The following TOP1 variants were observed in gnomAD, a reference collection of about 807,000 sequenced individuals.
TOP1 encodes DNA topoisomerase 1.
A neutral mutation model predicts 111.1 loss-of-function variants in TOP1; 10 were observed. The ratio of observed to expected loss-of-function variants is 0.09; its 90% CI spans 0.06 to 0.15. The LOEUF (loss-of-function observed/expected upper bound fraction) is 0.15. Among genes scored for constraint, TOP1 ranks in the 10% least tolerant of loss-of-function variants. TOP1 has a pLI of 1.00. For synonymous variants in TOP1, 271 were observed against 302.9 expected (o/e 0.89, Z 1.10); for missense variants, 474 against 926.7 (o/e 0.51, Z 6.34).
At chr20:41,117,662 G>A (rs1354881531) in intron 17 of TOP1, among the ~76,000 whole-genome samples, 1 of 152,052 alleles carries the variant, frequency 6.6e-6, no homozygotes, top group African/African-American at 2.4e-5. Flanking sequence ...TGGGATTACA[G>A]GTGTGAGCCA....
At chr20:41,077,127 C>T (rs909672178) in intron 4 of TOP1, among the ~76,000 whole-genome samples, 5 of 152,068 alleles carry the variant, frequency 3.3e-5, no homozygotes, top group African/African-American at 9.7e-5. Flanking sequence ...ACTGTGTTGG[C>T]GGGGCTAGTC....
rs1169618586 is a variant in TOP1 at position 41,123,005 on chromosome 20, A to ACAGATGTAGGTG, written c.2196-189_2196-188insAGATGTAGGTGC. 2.0e-5 allele frequency among the ~76,000 whole-genome samples: 3 copies of ACAGATGTAGGTG among 152,224 alleles called. No homozygotes were observed. Among genetic ancestry groups the ACAGATGTAGGTG allele is most frequent in the Non-Finnish European group, 2.9e-5 (2 of 68,042 alleles). ...CACTTGTACATCTGCAGAAGCACCT[A>ACAGATGTAGGTG]CTTTAGAGATCACTGCCAAGATTAA... On this transcript the variant is annotated intron_variant, in intron 20 of 20. Transcript: ENST00000361337. This position sits in a 1 kb window ranked among gnomAD's most constrained non-coding sequence, Gnocchi z 5.8.
rs568226474 is a variant in TOP1 at position 41,110,876 on chromosome 20, T to C, written c.1309-1906T>C. On this transcript the variant is annotated intron_variant, in intron 13 of 20. Transcript: ENST00000361337. The surrounding 1 kb of genome is among the most constrained non-coding windows in gnomAD (Gnocchi z 4.2). ...AACACTGCAGGGACAAGCATACTTC[T>C]TGGAGGCCAGCCATCTCCTGCTGGA... Among the ~76,000 whole-genome samples the C allele has an allele frequency of 1.3e-5, 2 of 152,324 alleles. No homozygotes were observed. Among genetic ancestry groups the C allele is most frequent in the East Asian group, 1.9e-4 (1 of 5,186 alleles).
At chr20:41,084,157 C>G (rs1444778292) in intron 7 of TOP1, among the ~76,000 whole-genome samples, 1 of 151,874 alleles carries the variant, frequency 6.6e-6, no homozygotes, top group African/African-American at 2.4e-5. Flanking sequence ...GGATTACTCT[C>G]TAGAGCAGTA....
chr20:41,099,423 G>T (rs962339194), intron 11 of TOP1, among the ~76,000 whole-genome samples: 4 of 152,164 alleles, frequency 2.6e-5, no homozygotes, highest in Admixed American at 2.0e-4. Context: ...AAGGACACCT[G>T]CTGCCAGCAA....
At chr20:41,057,207 A>C (rs1438373996) in intron 2 of TOP1, among the ~76,000 whole-genome samples, 1 of 151,228 alleles carries the variant, frequency 6.6e-6, no homozygotes, top group Non-Finnish European at 1.5e-5. Context: ...CTGAGGTTGC[A>C]GTGAGCCGAG....
In TOP1 at chr20:41,098,419, CAACATT is replaced by C; in HGVS notation, c.975+88_975+93del. 7.2e-7 allele frequency: 1 copy of C among 1,387,318 alleles called. No individual in the cohort carries two copies. The highest frequency in any genetic ancestry group is 2.0e-5 in the Admixed American group (1 of 49,050). 85.9% of individuals were successfully genotyped at this position (1,387,318 alleles called of 1,614,324 possible). The stretch of plus-strand genomic sequence containing the variant: ...AACTTTCTTCTTGGTTCTTATGACA[CAACATT>C]AACATCAGTAATTTCACATCATTCT... On this transcript the variant is annotated intron_variant, in intron 11 of 20. Coordinates refer to ENST00000361337, the MANE Select transcript of TOP1 (RefSeq NM_003286.4). This position sits in a 1 kb window ranked among gnomAD's most constrained non-coding sequence, Gnocchi z 5.7.
At position 41,028,832 on chromosome 20, in the gene TOP1, C is replaced by CT. The variant is rs1190856191; in HGVS notation, c.-234dup. The CT allele has an allele frequency of 1.7e-4, 87 of 524,298 alleles. No homozygotes were observed. In the South Asian group the frequency reaches 2.0e-3, roughly 12 times the overall value. 32.5% of individuals were successfully genotyped at this position (524,298 alleles called of 1,614,324 possible). On this transcript the variant is annotated 5_prime_UTR_variant, in exon 1 of 21. It removes the in-frame stop codon of an upstream open reading frame in the 5' UTR. Transcript: ENST00000361337. ...CAGGCGCAGTGAGCCCAAATGCGAA[C>CT]TTAGGCTGTTACACAACTGCTGGGG...
chr20:41,045,205 G>T (rs991036893), intron 2 of TOP1, among the ~76,000 whole-genome samples: 3 of 151,906 alleles, frequency 2.0e-5, no homozygotes, highest in Non-Finnish European at 2.9e-5. Flanking sequence ...TACCATATTG[G>T]ACAGCTCTAG....
chr20:41,118,492 G>T lies in TOP1; in HGVS notation c.1950+196G>T, dbSNP rs775964672. ...GAATATCAGAGTATCCATTATTCAA[G>T]AAATCTTTATTCTACGCATAGAAGT... On this transcript the variant is annotated intron_variant, in intron 18 of 20. Transcript: ENST00000361337. This position sits in a 1 kb window ranked among gnomAD's most constrained non-coding sequence, Gnocchi z 4.6. 3.3e-5 allele frequency among the ~76,000 whole-genome samples: 5 copies of T among 152,178 alleles called. No homozygotes were observed. The highest frequency in any genetic ancestry group is 2.0e-4 in the Admixed American group (3 of 15,280).
In TOP1 at chr20:41,080,068, A is replaced by T; in HGVS notation, c.336-17A>T. 2 of 1,536,116 alleles carry T rather than the reference A, an allele frequency of 1.3e-6. No individual in the cohort carries two copies. Among genetic ancestry groups the T allele is most frequent in the Non-Finnish European group, 1.8e-6 (2 of 1,114,382 alleles). On this transcript the variant is annotated splice_polypyrimidine_tract_variant and intron_variant, in intron 5 of 20. Transcript: ENST00000361337. The surrounding 1 kb of genome is among the most constrained non-coding windows in gnomAD (Gnocchi z 5.0). ...AGATGTTCTAGCACTCTGACCAGCA[A>T]TTTTTTTTCTCTTTAGTCCACCACA...
In TOP1 at chr20:41,082,829, C is replaced by T. The variant is rs1271054438; in HGVS notation, c.507+1589C>T. On this transcript the variant is annotated intron_variant, in intron 7 of 20. Transcript: ENST00000361337. This position sits in a 1 kb window ranked among gnomAD's most constrained non-coding sequence, Gnocchi z 4.1. ...AGTAAAGGAATATAAAACTTGAGTTCTCCAAGTGTTTTTTTTTTATGTTTA... is the reference window on the plus strand; with the variant it reads ...AGTAAAGGAATATAAAACTTGAGTTTTCCAAGTGTTTTTTTTTTATGTTTA... Among the ~76,000 whole-genome samples the T allele has an allele frequency of 1.9e-5, 1 of 53,004 alleles. No homozygotes were observed. The highest frequency in any genetic ancestry group is 3.6e-5 in the Non-Finnish European group (1 of 27,622). The allele number at this position is 53,004 out of a possible 152,430, so 34.8% of individuals were successfully genotyped here.
Position 41,109,268 on chromosome 20 carries a change from A to G in TOP1, c.1309-3514A>G, listed in dbSNP as rs1019467338. 5.3e-5 allele frequency among the ~76,000 whole-genome samples: 8 copies of G among 152,288 alleles called. No homozygotes were observed. The highest frequency in any genetic ancestry group is 1.9e-4 in the East Asian group (1 of 5,194). ...AATAAGACACAAGCTCATTAAAAAT[A>G]TATATATATTCTGAGCCTGGCATCT... On this transcript the variant is annotated intron_variant, in intron 13 of 20. Coordinates refer to ENST00000361337, the MANE Select transcript of TOP1 (RefSeq NM_003286.4). This position sits in a 1 kb window ranked among gnomAD's most constrained non-coding sequence, Gnocchi z 4.1.
In TOP1 at chr20:41,061,268, CA is replaced by C. The variant is rs573029624; in HGVS notation, c.59-125del. On this transcript the variant is annotated intron_variant, in intron 2 of 20. Transcript: ENST00000361337. This position sits in a 1 kb window ranked among gnomAD's most constrained non-coding sequence, Gnocchi z 4.6. ...TTGTGAAAGCTTTTTTTTTCAGTGG[CA>C]TGTGCTATTATGCCTACCATGCCAT... 1.3e-3 allele frequency: 984 copies of C among 778,226 alleles called. 13 individuals carry two copies. In the African/African-American group the frequency reaches 0.015, roughly 12 times the overall value. The allele number at this position is 778,226 out of a possible 1,614,324, so 48.2% of individuals were successfully genotyped here. A position where few individuals can be genotyped will look rare whatever the true frequency, so the allele number is the denominator to read the frequency against.
chr20:41,114,830 A>G lies in TOP1; in HGVS notation c.1639-541A>G, dbSNP rs1218673425. Among the ~76,000 whole-genome samples the G allele has an allele frequency of 6.6e-6, 1 of 152,172 alleles. No individual in the cohort carries two copies. The highest frequency in any genetic ancestry group is 1.9e-4 in the East Asian group (1 of 5,198). On this transcript the variant is annotated intron_variant, in intron 15 of 20. Coordinates refer to ENST00000361337, the MANE Select transcript of TOP1 (RefSeq NM_003286.4). The surrounding 1 kb of genome is among the most constrained non-coding windows in gnomAD (Gnocchi z 4.5). ...GACTTACAGTGTGCAGGATCCTAAT[A>G]ATCCAGCCCACCAGCAGTCCTCTTC...
In TOP1 at chr20:41,029,748, C is replaced by T. The variant is rs1487325217; in HGVS notation, c.58+293C>T. 1.7e-4 allele frequency: 86 copies of T among 516,322 alleles called. No homozygotes were observed. Among genetic ancestry groups the T allele is most frequent in the Non-Finnish European group, 1.8e-5 (5 of 285,638 alleles). The allele number at this position is 516,322 out of a possible 1,614,324, so 32.0% of individuals were successfully genotyped here. ...ATTCCTCCCGGGAAAGTCGCCTTGT[C>T]GACGGTCGGGACTTAGTCTCTGCGC... On this transcript the variant is annotated intron_variant, in intron 2 of 20. Transcript: ENST00000361337. This position sits in a 1 kb window ranked among gnomAD's most constrained non-coding sequence, Gnocchi z 6.1.
Position 41,098,161 on chromosome 20 carries a change from T to G in TOP1, c.853-54T>G. 6.3e-7 allele frequency: 1 copy of G among 1,588,840 alleles called. No homozygotes were observed. The highest frequency in any genetic ancestry group is 1.1e-5 in the South Asian group (1 of 90,306). On this transcript the variant is annotated intron_variant, in intron 10 of 20. Transcript: ENST00000361337. This position sits in a 1 kb window ranked among gnomAD's most constrained non-coding sequence, Gnocchi z 5.7. The stretch of plus-strand genomic sequence containing the variant: ...TGTATTTGCAAAGAAACCCAAGGAC[T>G]TATTAGTGTATTTTCGTTGTTTTTC...
At chr20:41,039,485 G>T (rs895208629) in intron 2 of TOP1, among the ~76,000 whole-genome samples, 31 of 151,186 alleles carry the variant, frequency 2.1e-4, no homozygotes, top group Non-Finnish European at 4.0e-4. Context: ...ACAAAAAATG[G>T]TTTTTTTTTG....
intron 3 of TOP1, among the ~76,000 whole-genome samples, chr20:41,074,075 T>C (rs1479926430): frequency 6.6e-6 from 1 of 152,196 alleles, no homozygotes; most frequent in Non-Finnish European, 1.5e-5. Context: ...ATACATTAAC[T>C]CCTGAAGAAT....
Sources: allele counts gnomAD v4.1 joint callset (sites outside exome capture counted in the v4.1 genomes callset), GRCh38; gene constraint gnomAD v4.1.1; non-coding constraint Gnocchi (gnomAD v3.1); transcripts MANE v1.5; gene names NCBI Gene and HGNC (gene_info 2026-07-23, HGNC 2026-07-21).